ACSS2: variants seen among roughly 807,000 people sequenced by gnomAD.
ACSS2 encodes the protein acyl-CoA synthetase short chain family member 2.
In ACSS2, 58 loss-of-function variants were observed where a neutral mutation model predicts 90.6. The ratio of observed to expected loss-of-function variants is 0.64; its 90% CI spans 0.52 to 0.80. The LOEUF is 0.80. Ranked by LOEUF, ACSS2 falls within the 30% of genes least tolerant of loss-of-function variation. The probability of loss-of-function intolerance (pLI) is 0.00; values close to 1 mark genes in which losing one functional copy is unlikely to be tolerated. For missense variants in ACSS2, 759 were observed against 912.0 expected, an observed-to-expected ratio of 0.83 and a Z score of 2.16; for synonymous variants, 300 against 330.9, an observed-to-expected ratio of 0.91 and a Z score of 1.01.
At position 34,878,718 on chromosome 20, in the gene ACSS2, C is replaced by A. The variant is rs114767627; in HGVS notation, c.178+1895C>A. On this transcript the variant is annotated intron_variant, in intron 1 of 17. Coordinates refer to ENST00000360596, the MANE Select transcript of ACSS2 (RefSeq NM_018677.4). ...ATTCCATCAAATACAGAATTTCTAC[C>A]AGGGAAGCAGCCTCCTAATTTGTCC... 4.1e-3 allele frequency among the ~76,000 whole-genome samples: 619 copies of A among 152,212 alleles called. 2 individuals are homozygous for A. Among genetic ancestry groups the A allele is most frequent in the African/African-American group, 0.014 (587 of 41,538 alleles).
chr20:34,886,414 T>G (rs1402189215), intron 2 of ACSS2, among the ~76,000 whole-genome samples: 1 of 150,720 alleles, frequency 6.6e-6, no homozygotes, highest in Non-Finnish European at 1.5e-5. Context: ...AGGTCAGGAG[T>G]TCTAGACAAG....
At position 34,927,148 on chromosome 20, in the gene ACSS2, G is replaced by A. The variant is rs1448361231; in HGVS notation, c.2040G>A (p.Met680Ile). ...IAQNDHDLGD[M>I]STVADPSVIS... Reference sequence around the variant, plus strand: ...AGAATGACCATGACCTCGGGGACATGTCTACTGTGGCTGACCCATCTGTCA... The same window carrying A: ...AGAATGACCATGACCTCGGGGACATATCTACTGTGGCTGACCCATCTGTCA... The change falls in exon 18 of 18, where the codon ATG (methionine) becomes ATA (isoleucine). Residue 680 changes from methionine (M) to isoleucine (I), a missense_variant. Met to Ile is a conservative substitution (Grantham distance 10). Transcript: ENST00000360596. This position sits in a 1 kb window ranked among gnomAD's most constrained non-coding sequence, Gnocchi z 4.2. 1 of 1,614,178 alleles carries A rather than the reference G, an allele frequency of 6.2e-7. No individual in the cohort carries two copies. Among genetic ancestry groups the A allele is most frequent in the Non-Finnish European group, 8.5e-7 (1 of 1,180,036 alleles).
At chr20:34,907,080 A>ACG (rs1361997404) in intron 2 of ACSS2, among the ~76,000 whole-genome samples, 1 of 151,702 alleles carries the variant, frequency 6.6e-6, no homozygotes, top group Non-Finnish European at 1.5e-5. Context: ...ACATGAGATA[A>ACG]TTTCAAATAA....
chr20:34,885,932 G>T (rs2080181019), intron 2 of ACSS2, among the ~76,000 whole-genome samples: 1 of 146,554 alleles, frequency 6.8e-6, no homozygotes, highest in South Asian at 2.1e-4. Context: ...GGATATGGGG[G>T]TAAAAAGGCA....
chr20:34,912,889 C>T (rs1267389921), intron 2 of ACSS2, among the ~76,000 whole-genome samples: 1 of 152,226 alleles, frequency 6.6e-6, no homozygotes, highest in Non-Finnish European at 1.5e-5. Context: ...TGACATACAA[C>T]ATGTGTATAA....
At chr20:34,920,963 G>A in intron 9 of ACSS2, 43 bp from the exon 10 acceptor site, 1 of 1,612,208 alleles carries the variant, frequency 6.2e-7, no homozygotes, top group South Asian at 1.1e-5. Context: ...TGAATAGAAG[G>A]ACTATTAGGA....
chr20:34,883,094 G>A lies in ACSS2; in HGVS notation c.374+105G>A, dbSNP rs1363340005. On this transcript the variant is annotated intron_variant, in intron 2 of 17. Coordinates refer to ENST00000360596, the MANE Select transcript of ACSS2 (RefSeq NM_018677.4). The stretch of plus-strand genomic sequence containing the variant: ...GTGTCATCAACTTAATGCCTCAGGT[G>A]AGGAAAAATACCTCAAGGAAGCTAC... 8 of 788,708 alleles carry A rather than the reference G, an allele frequency of 1.0e-5. No individual in the cohort carries two copies. The Admixed American group carries it at 2.5e-4, about 25-fold the overall frequency. The allele number at this position is 788,708 out of a possible 1,614,324, so 48.9% of individuals were successfully genotyped here. A position where few individuals can be genotyped will look rare whatever the true frequency, so the allele number is the denominator to read the frequency against.
At chr20:34,907,959 C>T (rs1468764337) in intron 2 of ACSS2, among the ~76,000 whole-genome samples, 1 of 152,236 alleles carries the variant, frequency 6.6e-6, no homozygotes. Context: ...CCCTGCCAGT[C>T]CCTGTCCTTC....
At chr20:34,923,453 C>T (rs767393632) in intron 14 of ACSS2, 22 bp downstream of exon 14, 3 of 1,554,776 alleles carry the variant, frequency 1.9e-6, no homozygotes, top group Non-Finnish European at 1.8e-6. Context: ...CTATCCCCCT[C>T]TTGCACCTCC....
Position 34,920,645 on chromosome 20 carries a change from G to A in ACSS2, c.1079G>A (p.Gly360Asp). The A allele has an allele frequency of 1.9e-6, 3 of 1,614,194 alleles. No homozygotes were observed. Among genetic ancestry groups the A allele is most frequent in the Middle Eastern group, 1.7e-4 (1 of 6,060 alleles). The change falls in exon 9 of 18, where the codon GGT becomes GAT. Residue 360 changes from glycine (G) to aspartate (D), a missense_variant. Physicochemically the swap from Gly to Asp is moderately conservative, Grantham distance 94. Transcript: ENST00000360596. ...EDVFWCTADI[G>D]WITGHSYVTY... is the part of the protein sequence containing the mutation. ...GTGTTCTGGTGCACGGCAGACATTG[G>A]TTGGATCACTGGTCATTCCTACGTC...
At chr20:34,899,942 C>T (rs1405107556) in intron 2 of ACSS2, among the ~76,000 whole-genome samples, 1 of 152,116 alleles carries the variant, frequency 6.6e-6, no homozygotes, top group African/African-American at 2.4e-5. Flanking sequence ...AGTTTAATTG[C>T]TGAGTCATAT....
chr20:34,896,010 G>C (rs1360193403), intron 2 of ACSS2, among the ~76,000 whole-genome samples: 3 of 151,800 alleles, frequency 2.0e-5, no homozygotes, highest in Non-Finnish European at 4.4e-5. Flanking sequence ...TCTGCTCTAG[G>C]CATATTCCTC....
chr20:34,913,195 T>C lies in ACSS2; in HGVS notation c.466+8T>C. The C allele has an allele frequency of 6.2e-7, 1 of 1,613,388 alleles. No homozygotes were observed. The highest frequency in any genetic ancestry group is 8.5e-7 in the Non-Finnish European group (1 of 1,179,634). The stretch of plus-strand genomic sequence containing the variant: ...ATGTTCTCCGAAAACAGGGTGAGTG[T>C]GGGGGTGTGGGAAAGGACTGGGGGT... On this transcript the variant is annotated splice_region_variant and intron_variant, in intron 3 of 17. Transcript: ENST00000360596.
chr20:34,925,871 G>T, intron 15 of ACSS2, 105 bp downstream of exon 15: 1 of 1,318,666 alleles, frequency 7.6e-7, no homozygotes, highest in Non-Finnish European at 1.0e-6. Flanking sequence ...GCCAGACCAT[G>T]TACTAAGTGT....
At chr20:34,901,059 C>T (rs1042831744) in intron 2 of ACSS2, among the ~76,000 whole-genome samples, 2 of 152,018 alleles carry the variant, frequency 1.3e-5, no homozygotes, top group Admixed American at 6.6e-5. Flanking sequence ...CCAGTTCTTC[C>T]GCCACATTTC....
intron 7 of ACSS2, among the ~76,000 whole-genome samples, chr20:34,916,137 G>A (rs149044078): frequency 3.9e-5 from 6 of 152,248 alleles, no homozygotes; most frequent in South Asian, 4.2e-4. Context: ...TTAGCATGGC[G>A]GAGACAGATC....
intron 2 of ACSS2, among the ~76,000 whole-genome samples, chr20:34,897,600 T>G (rs28878236): frequency 4.8e-4 from 73 of 152,164 alleles, no homozygotes; most frequent in African/African-American, 1.6e-3. Context: ...CACCTGAGGT[T>G]GGTGGATCAC....
At chr20:34,881,597 C>G (rs543571516) in intron 1 of ACSS2, among the ~76,000 whole-genome samples, 3 of 152,304 alleles carry the variant, frequency 2.0e-5, no homozygotes, top group Admixed American at 2.0e-4. Context: ...CTCAGTGTTT[C>G]AGCCTCAAGG....
chr20:34,913,200 G>A lies in ACSS2; in HGVS notation c.466+13G>A, dbSNP rs765627693. 45 of 1,613,426 alleles carry A rather than the reference G, an allele frequency of 2.8e-5. No homozygotes were observed. The highest frequency in any genetic ancestry group is 3.6e-5 in the Non-Finnish European group (42 of 1,179,490). On this transcript the variant is annotated intron_variant, in intron 3 of 17. Transcript: ENST00000360596. The stretch of plus-strand genomic sequence containing the variant: ...CTCCGAAAACAGGGTGAGTGTGGGG[G>A]TGTGGGAAAGGACTGGGGGTCTGGC...
Sources: allele counts gnomAD v4.1 joint callset (sites outside exome capture counted in the v4.1 genomes callset), GRCh38; gene constraint gnomAD v4.1.1; non-coding constraint Gnocchi (gnomAD v3.1); transcripts MANE v1.5; gene names NCBI Gene and HGNC (gene_info 2026-07-23, HGNC 2026-07-21).